Variants in APBA1 observed in about 807,000 individuals in gnomAD.
APBA1 encodes amyloid beta precursor protein binding family A member 1.
APBA1 carries 55 observed loss-of-function variants against 86.6 expected under a neutral mutation model. That is an observed-to-expected ratio of 0.64 (90% CI 0.51 to 0.80). The LOEUF (loss-of-function observed/expected upper bound fraction) is 0.80, where lower values mean the gene tolerates loss of function less well. Among genes scored for constraint, APBA1 ranks in the 30% least tolerant of loss-of-function variants. APBA1 has a pLI of 0.00. For synonymous variants in APBA1, 511 were observed against 493.9 expected (o/e 1.03, Z -0.46); for missense variants, 1,090 against 1,183.0 (o/e 0.92, Z 1.15).
At chr9:69,486,464 G>C (rs372095790) in intron 2 of APBA1, among the ~76,000 whole-genome samples, 6 of 152,220 alleles carry the variant, frequency 3.9e-5, no homozygotes, top group African/African-American at 1.4e-4. Context: ...AGAGGAAGGA[G>C]ACCTGTTTTC....
At chr9:69,518,742 A>T (rs1367851476) in intron 1 of APBA1, among the ~76,000 whole-genome samples, 1 of 152,104 alleles carries the variant, frequency 6.6e-6, no homozygotes, top group Non-Finnish European at 1.5e-5. Flanking sequence ...GAACTCTTAA[A>T]TATGATAACA....
At chr9:69,640,257 T>C (rs1381956918) in intron 1 of APBA1, among the ~76,000 whole-genome samples, 1 of 152,060 alleles carries the variant, frequency 6.6e-6, no homozygotes, top group Non-Finnish European at 1.5e-5. Flanking sequence ...TAGGAAACAA[T>C]GACAGTTTTA....
chr9:69,591,104 C>T (rs967212226), intron 1 of APBA1, among the ~76,000 whole-genome samples: 8 of 152,120 alleles, frequency 5.3e-5, no homozygotes, highest in South Asian at 4.1e-4. Context: ...GCAAGGCAGC[C>T]GAGGGAGGAG....
chr9:69,511,160 C>G (rs1050538701), intron 2 of APBA1, among the ~76,000 whole-genome samples: 1 of 152,044 alleles, frequency 6.6e-6, no homozygotes, highest in Admixed American at 6.6e-5. Context: ...AGCAAATTTT[C>G]GCAACCTACT....
At chr9:69,669,386 A>G (rs1446830838) in intron 1 of APBA1, among the ~76,000 whole-genome samples, 1 of 152,160 alleles carries the variant, frequency 6.6e-6, no homozygotes, top group African/African-American at 2.4e-5. Context: ...CAACAACAAC[A>G]AAAAACCTTA....
At chr9:69,519,276 A>G (rs562632040) in intron 1 of APBA1, among the ~76,000 whole-genome samples, 42 of 152,344 alleles carry the variant, frequency 2.8e-4, no homozygotes, top group African/African-American at 9.9e-4. Context: ...ATAAGAGTGC[A>G]TGACCTAGAT....
At chr9:69,653,252 A>T (rs1452424152) in intron 1 of APBA1, among the ~76,000 whole-genome samples, 1 of 152,196 alleles carries the variant, frequency 6.6e-6, no homozygotes, top group Non-Finnish European at 1.5e-5. Context: ...GTACAGCAAG[A>T]GGATATAACA....
intron 1 of APBA1, among the ~76,000 whole-genome samples, chr9:69,587,197 C>T (rs1822038175): frequency 6.6e-6 from 1 of 152,184 alleles, no homozygotes; most frequent in Non-Finnish European, 1.5e-5. Flanking sequence ...CCTCCAAATT[C>T]AGTGATGGAG....
At chr9:69,556,464 A>AC (rs1280979675) in intron 1 of APBA1, among the ~76,000 whole-genome samples, 1 of 152,166 alleles carries the variant, frequency 6.6e-6, no homozygotes, top group Non-Finnish European at 1.5e-5. Flanking sequence ...GCAGCCAAAG[A>AC]CAACTTCCAC....
At chr9:69,489,516 T>C (rs1039859629) in intron 2 of APBA1, among the ~76,000 whole-genome samples, 2 of 151,206 alleles carry the variant, frequency 1.3e-5, no homozygotes, top group African/African-American at 2.4e-5. Context: ...CCTAAAACCA[T>C]AAAAACCCTA....
intron 6 of APBA1, among the ~76,000 whole-genome samples, chr9:69,457,586 A>G (rs1835119671): frequency 6.6e-6 from 1 of 152,174 alleles, no homozygotes; most frequent in South Asian, 2.1e-4. Flanking sequence ...ATTTGGATGC[A>G]GTTCTGGTAA....
chr9:69,610,999 C>T (rs1822574665), intron 1 of APBA1, among the ~76,000 whole-genome samples: 1 of 150,926 alleles, frequency 6.6e-6, no homozygotes, highest in Non-Finnish European at 1.5e-5. Context: ...GCTGACTTTT[C>T]TGCTGGTGTT....
chr9:69,614,284 C>T (rs1280214032), intron 1 of APBA1, among the ~76,000 whole-genome samples: 2 of 152,120 alleles, frequency 1.3e-5, no homozygotes, highest in Admixed American at 6.5e-5. Context: ...AACTTTGAGA[C>T]TTTCTAGTCA....
At chr9:69,606,003 A>T (rs919317922) in intron 1 of APBA1, among the ~76,000 whole-genome samples, 7 of 152,248 alleles carry the variant, frequency 4.6e-5, no homozygotes, top group Non-Finnish European at 8.8e-5. Flanking sequence ...GTCTCCTAGA[A>T]CCTGAAGGAA....
intron 2 of APBA1, among the ~76,000 whole-genome samples, chr9:69,492,587 T>TG (rs961827782): frequency 1.3e-5 from 2 of 152,216 alleles, no homozygotes; most frequent in Admixed American, 6.5e-5. Flanking sequence ...TGGCTAAGGC[T>TG]GGGGGGTATA....
chr9:69,522,402 G>A (rs1221006542), intron 1 of APBA1, among the ~76,000 whole-genome samples: 1 of 141,754 alleles, frequency 7.1e-6, no homozygotes, highest in Non-Finnish European at 1.5e-5. Flanking sequence ...TTAAATCTTT[G>A]CTGCCCTTAT....
At chr9:69,469,327 C>T (rs1297779618) in intron 4 of APBA1, among the ~76,000 whole-genome samples, 1 of 152,182 alleles carries the variant, frequency 6.6e-6, no homozygotes, top group Non-Finnish European at 1.5e-5. Flanking sequence ...TATCCTTAAA[C>T]ATCAAGCTCA....
At chr9:69,622,656 T>TA (rs1228335812) in intron 1 of APBA1, among the ~76,000 whole-genome samples, 1 of 151,578 alleles carries the variant, frequency 6.6e-6, no homozygotes, top group Non-Finnish European at 1.5e-5. Context: ...TAAAGGGAAA[T>TA]AAGGCCTTAT....
At chr9:69,609,694 C>T (rs982277026) in intron 1 of APBA1, among the ~76,000 whole-genome samples, 17 of 152,146 alleles carry the variant, frequency 1.1e-4, no homozygotes, top group African/African-American at 3.4e-4. Flanking sequence ...GAGTGCAGTA[C>T]CACCAGCTAA....
Sources: allele counts gnomAD v4.1 joint callset (sites outside exome capture counted in the v4.1 genomes callset), GRCh38; gene constraint gnomAD v4.1.1; transcripts MANE v1.5; gene names NCBI Gene and HGNC (gene_info 2026-07-23, HGNC 2026-07-21).